Variants in ARRB1 observed in about 807,000 individuals in gnomAD.
ARRB1 encodes the protein beta-arrestin-1.
A neutral mutation model predicts 56.8 loss-of-function variants in ARRB1; 21 were observed. The ratio of observed to expected loss-of-function variants is 0.37; its 90% CI spans 0.26 to 0.53. The LOEUF is 0.53. ARRB1 is among the 20% of genes least tolerant of loss of function. The pLI is 0.88. For missense variants in ARRB1, 424 were observed against 553.7 expected (o/e 0.77, Z 2.35); for synonymous variants, 210 against 218.6 (o/e 0.96, Z 0.35).
At chr11:75,294,143 G>C (rs1946670468) in intron 1 of ARRB1, among the ~76,000 whole-genome samples, 1 of 152,140 alleles carries the variant, frequency 6.6e-6, no homozygotes, top group East Asian at 1.9e-4. Context: ...ACCTAGGTGT[G>C]TCACACATCT....
intron 15 of ARRB1, 39 bp downstream of exon 15, chr11:75,267,602 CGCCCACCCGCG>C (rs1408248719): frequency 8.9e-6 from 13 of 1,462,670 alleles, no homozygotes; most frequent in Admixed American, 1.7e-5. Flanking sequence ...CCCTCCACCC[CGCCCACCCGCG>C]GCCCACCCCC....
rs1945828407 is a variant in ARRB1, at chr11:75,262,833, G to A, written c.*3330C>T. 6.6e-6 allele frequency among the ~76,000 whole-genome samples: 1 copy of A among 152,170 alleles called. No homozygotes were observed. The highest frequency in any genetic ancestry group is 1.5e-5 in the Non-Finnish European group (1 of 68,014). On this transcript the variant is annotated 3_prime_UTR_variant, in exon 16 of 16. Coordinates refer to ENST00000420843, the MANE Select transcript of ARRB1 (RefSeq NM_004041.5). ...CACCATGTAGGAACCAGCTTGTCAG[G>A]AACTCTCCCACAGAACCAACAGCCA...
chr11:75,290,031 T>A lies in ARRB1; in HGVS notation c.29A>T (p.Lys10Met). MGDKGTRVF[K>M]KASPNGKLTV... Reference sequence around the variant, plus strand: ...CACCTTTCCATTTGGACTGGCCTTCTTGAACACTCTGTGGAGAGAAAGAGA... The same window carrying A: ...CACCTTTCCATTTGGACTGGCCTTCATGAACACTCTGTGGAGAGAAAGAGA... Residue 10 changes from lysine (K) to methionine (M), a missense_variant, in exon 2 of 16, where the codon AAG becomes ATG. By Grantham distance (95) the Lys-to-Met change is moderately conservative (BLOSUM62 -1). This residue lies in a region of ARRB1 where 301 missense variants were observed against 387.9 expected (regional missense o/e 0.78). Transcript: ENST00000420843. The A allele has an allele frequency of 6.2e-7, 1 of 1,614,234 alleles. No individual in the cohort carries two copies. Among genetic ancestry groups the A allele is most frequent in the Non-Finnish European group, 8.5e-7 (1 of 1,180,042 alleles).
intron 1 of ARRB1, among the ~76,000 whole-genome samples, chr11:75,312,412 T>C (rs1225850154): frequency 6.6e-6 from 1 of 152,132 alleles, no homozygotes. Context: ...GTCTTACAGA[T>C]GGGGAGACAA....
At chr11:75,289,644 A>AG (rs1946558374) in intron 2 of ARRB1, among the ~76,000 whole-genome samples, 2 of 152,124 alleles carry the variant, frequency 1.3e-5, no homozygotes, top group African/African-American at 4.8e-5. Context: ...CTGGCTAAGG[A>AG]GGTGACGCTA....
At chr11:75,277,018 G>A in intron 9 of ARRB1, 107 bp from the exon 10 acceptor site, 1 of 1,100,472 alleles carries the variant, frequency 9.1e-7, no homozygotes, top group Non-Finnish European at 1.4e-6. Flanking sequence ...AATGGCCAGA[G>A]GCCACCAGTG....
chr11:75,291,525 A>T (rs1946611541), intron 1 of ARRB1, among the ~76,000 whole-genome samples: 1 of 152,170 alleles, frequency 6.6e-6, no homozygotes, highest in South Asian at 2.1e-4. Flanking sequence ...GATGTAGTCC[A>T]TGACTCCCAA....
intron 1 of ARRB1, among the ~76,000 whole-genome samples, chr11:75,325,079 T>C (rs1331459172): frequency 6.6e-6 from 1 of 151,934 alleles, no homozygotes; most frequent in Non-Finnish European, 1.5e-5. Context: ...GTTGTCAGGG[T>C]TGGAGAAAGG....
chr11:75,276,886 A>T lies in ARRB1; in HGVS notation c.729T>A (p.Leu243=). The T allele has an allele frequency of 6.2e-7, 1 of 1,614,176 alleles. No homozygotes were observed. Among genetic ancestry groups the T allele is most frequent in the Non-Finnish European group, 8.5e-7 (1 of 1,179,990 alleles). ...GGCACTTGTACTGAGCTGTGTTGAA[A>T]AGGCAGATGTCTGCATACTGGCGCA... ...ISVRQYADIC[L]FNTAQYKCPV... Residue 243 remains leucine (L), a synonymous_variant, in exon 10 of 16, where the codon CTT becomes CTA. Transcript: ENST00000420843.
intron 1 of ARRB1, among the ~76,000 whole-genome samples, chr11:75,325,302 A>G (rs1026848944): frequency 6.6e-6 from 1 of 152,126 alleles, no homozygotes; most frequent in Non-Finnish European, 1.5e-5. Flanking sequence ...ATGCCAGCCC[A>G]AAAAAGGCAG....
At chr11:75,340,662 T>C (rs1187344077) in intron 1 of ARRB1, among the ~76,000 whole-genome samples, 1 of 152,168 alleles carries the variant, frequency 6.6e-6, no homozygotes, top group African/African-American at 2.4e-5. Context: ...CACCTCCTAC[T>C]TGGGGTTGGG....
In ARRB1 at chr11:75,278,500, G is replaced by A. The variant is rs916961026; in HGVS notation, c.618+109C>T. On this transcript the variant is annotated intron_variant, in intron 8 of 15. Transcript: ENST00000420843. ...TGACCCCTGTGGTCCTTGGGCTGGG[G>A]ATAGAAGCTCCTACCTGAGGCATCC... 4.1e-6 allele frequency: 6 copies of A among 1,477,616 alleles called. No homozygotes were observed. In the Admixed American group the frequency reaches 1.0e-4, roughly 26 times the overall value. 91.5% of individuals were successfully genotyped at this position (1,477,616 alleles called of 1,614,324 possible).
intron 1 of ARRB1, among the ~76,000 whole-genome samples, chr11:75,337,470 G>C (rs889240488): frequency 1.3e-5 from 2 of 152,170 alleles, no homozygotes; most frequent in Non-Finnish European, 2.9e-5. Flanking sequence ...CTTTAAGTCA[G>C]CAGCTCGGGG....
At chr11:75,287,776 C>T (rs1946515400) in intron 2 of ARRB1, among the ~76,000 whole-genome samples, 1 of 152,220 alleles carries the variant, frequency 6.6e-6, no homozygotes, top group African/African-American at 2.4e-5. Flanking sequence ...AGGCTCTGAA[C>T]GCGGGCCGCG....
chr11:75,322,036 T>C (rs1359795965), intron 1 of ARRB1, among the ~76,000 whole-genome samples: 2 of 152,142 alleles, frequency 1.3e-5, no homozygotes, highest in Non-Finnish European at 2.9e-5. Context: ...TACAAACAAG[T>C]ATATGGTGAC....
chr11:75,310,212 C>A (rs1423017808), intron 1 of ARRB1, among the ~76,000 whole-genome samples: 1 of 152,182 alleles, frequency 6.6e-6, no homozygotes, highest in Non-Finnish European at 1.5e-5. Context: ...GGCATCTTAC[C>A]TTTCCTGTCC....
At chr11:75,271,530 T>G in intron 13 of ARRB1, 171 bp downstream of exon 13, 4 of 641,636 alleles carry the variant, frequency 6.2e-6, no homozygotes, top group Non-Finnish European at 1.0e-5. Flanking sequence ...AAGAGCAAGG[T>G]GAGGTTTGTT....
At chr11:75,322,127 T>A (rs1415229852) in intron 1 of ARRB1, among the ~76,000 whole-genome samples, 2 of 152,188 alleles carry the variant, frequency 1.3e-5, no homozygotes, top group East Asian at 1.9e-4. Flanking sequence ...AGGGAAGTCT[T>A]CCCCAAGAAA....
Position 75,263,886 on chromosome 11 carries a change from A to G in ARRB1, c.*2277T>C, listed in dbSNP as rs1347979847. 6.6e-6 allele frequency among the ~76,000 whole-genome samples: 1 copy of G among 152,232 alleles called. No individual in the cohort carries two copies. The highest frequency in any genetic ancestry group is 1.9e-4 in the East Asian group (1 of 5,196). On this transcript the variant is annotated 3_prime_UTR_variant, in exon 16 of 16. Coordinates refer to ENST00000420843, the MANE Select transcript of ARRB1 (RefSeq NM_004041.5). ...CCAGCCTGACAAACGTTTTCCATGC[A>G]TGAGTTAGGGATAGGGGAAGAAGTC...
Sources: gnomAD v4.1 joint callset for allele counts (sites outside exome capture counted in the v4.1 genomes callset) on GRCh38, gnomAD v4.1.1 for gene constraint, gnomAD v4.1.1 regional missense constraint, MANE v1.5 for transcripts, NCBI Gene and HGNC (gene_info 2026-07-23, HGNC 2026-07-21) for gene names.